The following TRAPPC9 variants were observed in gnomAD, a reference collection of about 807,000 sequenced individuals.
TRAPPC9 encodes IKK2 binding protein.
In TRAPPC9, 83 loss-of-function variants were observed where a neutral mutation model predicts 124.0. That is an observed-to-expected ratio of 0.67 (90% CI 0.56 to 0.80). The LOEUF (loss-of-function observed/expected upper bound fraction) is 0.80, where lower values mean the gene tolerates loss of function less well. Ranked by LOEUF, TRAPPC9 falls within the 30% of genes least tolerant of loss-of-function variation. The pLI is 0.00. For missense variants in TRAPPC9, 1,302 were observed against 1,508.3 expected, an observed-to-expected ratio of 0.86 and a Z score of 2.27; for synonymous variants, 638 against 617.5, an observed-to-expected ratio of 1.03 and a Z score of -0.49.
chr8:139,729,650 C>A lies in TRAPPC9; in HGVS notation c.*1411G>T, dbSNP rs1486962368. ...TGGAACAAAAAATTTGTTCCTTAGG[C>A]CGGAGGCCACAGGGTGACCTTGCTC... On this transcript the variant is annotated 3_prime_UTR_variant, in exon 23 of 23. Transcript: ENST00000438773. Among the ~76,000 whole-genome samples, 1 of 152,194 alleles carries A rather than the reference C, an allele frequency of 6.6e-6. No homozygotes were observed.
chr8:139,901,006 T>A (rs1050642605), intron 20 of TRAPPC9, among the ~76,000 whole-genome samples: 58 of 148,524 alleles, frequency 3.9e-4, no homozygotes, highest in South Asian at 1.5e-3. Flanking sequence ...ATAAATAAAA[T>A]AAATAAATAA....
At chr8:139,917,211 T>C (rs987362202) in intron 19 of TRAPPC9, among the ~76,000 whole-genome samples, 16 of 142,806 alleles carry the variant, frequency 1.1e-4, no homozygotes, top group African/African-American at 4.3e-4. Flanking sequence ...TCTCGCTCTG[T>C]TGCCCAGGAC....
At chr8:139,885,716 G>A (rs1332627171) in intron 21 of TRAPPC9, among the ~76,000 whole-genome samples, 163 bp downstream of exon 21, 5 of 152,194 alleles carry the variant, frequency 3.3e-5, no homozygotes, top group Non-Finnish European at 5.9e-5. Flanking sequence ...AGGTGCTGGC[G>A]CAGTATGGTG....
intron 17 of TRAPPC9, among the ~76,000 whole-genome samples, chr8:140,134,046 C>T (rs944307313): frequency 2.6e-5 from 4 of 151,884 alleles, no homozygotes; most frequent in African/African-American, 9.7e-5. Flanking sequence ...AAAAATGACC[C>T]TCAATTTCTC....
At chr8:140,286,498 T>G (rs1163047683) in intron 13 of TRAPPC9, among the ~76,000 whole-genome samples, 6 of 152,126 alleles carry the variant, frequency 3.9e-5, no homozygotes, top group Non-Finnish European at 8.8e-5. Flanking sequence ...AGAAGAGTTA[T>G]GATCTGCAAG....
intron 21 of TRAPPC9, among the ~76,000 whole-genome samples, chr8:139,801,727 G>A (rs572103968): frequency 3.9e-5 from 6 of 152,324 alleles, no homozygotes; most frequent in Non-Finnish European, 5.9e-5. Context: ...GAATCCGCAC[G>A]AACTCCTCTG....
At chr8:140,211,634 G>A (rs534992242) in intron 17 of TRAPPC9, among the ~76,000 whole-genome samples, 12 of 152,278 alleles carry the variant, frequency 7.9e-5, no homozygotes, top group East Asian at 5.8e-4. Flanking sequence ...CTAAAGTAAC[G>A]TATTTTACAT....
chr8:140,383,551 G>A lies in TRAPPC9; in HGVS notation c.1135-12371C>T, dbSNP rs185137745. Among the ~76,000 whole-genome samples, 877 of 152,308 alleles carry A rather than the reference G, an allele frequency of 5.8e-3. 8 individuals carry two copies. The highest frequency in any genetic ancestry group is 0.02 in the African/African-American group (833 of 41,568). On this transcript the variant is annotated intron_variant, in intron 7 of 22. Coordinates refer to ENST00000438773, the MANE Select transcript of TRAPPC9 (RefSeq NM_001160372.4). Reference sequence around the variant, plus strand: ...CAGTAGCCGATTCGATCAACTGGAAGAAAGGGTATCAGTGATTGAAGATCA... The same window carrying A: ...CAGTAGCCGATTCGATCAACTGGAAAAAAGGGTATCAGTGATTGAAGATCA...
In TRAPPC9 at chr8:140,183,883, GAA is replaced by G. The variant is rs2062269508; in HGVS notation, c.2556+37574_2556+37575del. ...AAAAAAAGAAGAAGAAGAAGAAGAA[GAA>G]GAAGAGGAGAGGAGAGGAGAGGAGA... On this transcript the variant is annotated intron_variant, in intron 17 of 22. Transcript: ENST00000438773. Among the ~76,000 whole-genome samples, 2 of 29,410 alleles carry G rather than the reference GAA, an allele frequency of 6.8e-5. 1 individual carries two copies. The highest frequency in any genetic ancestry group is 2.9e-4 in the African/African-American group (2 of 6,940). 19.3% of individuals were successfully genotyped at this position (29,410 alleles called of 152,430 possible).
chr8:139,967,643 G>A (rs1313073914), intron 19 of TRAPPC9, among the ~76,000 whole-genome samples: 1 of 152,212 alleles, frequency 6.6e-6, no homozygotes, highest in African/African-American at 2.4e-5. Context: ...GAAGCCAAAG[G>A]CAGGTGACAT....
At chr8:140,272,103 T>C (rs1412530933) in intron 15 of TRAPPC9, among the ~76,000 whole-genome samples, 1 of 147,400 alleles carries the variant, frequency 6.8e-6, no homozygotes, top group East Asian at 2.0e-4. Flanking sequence ...GATGAGGTGA[T>C]TGTGGTGGTG....
chr8:139,765,945 C>A (rs1820560580), intron 21 of TRAPPC9, among the ~76,000 whole-genome samples: 1 of 152,224 alleles, frequency 6.6e-6, no homozygotes, highest in Non-Finnish European at 1.5e-5. Context: ...TGACCTCACG[C>A]TGCTGGGGCT....
chr8:140,404,537 C>T (rs1305777017), intron 6 of TRAPPC9, among the ~76,000 whole-genome samples: 1 of 152,148 alleles, frequency 6.6e-6, no homozygotes, highest in African/African-American at 2.4e-5. Context: ...GAAAACCTTT[C>T]CACATGCTCT....
intron 9 of TRAPPC9, among the ~76,000 whole-genome samples, chr8:140,342,259 C>A (rs1209397213): frequency 6.6e-6 from 1 of 152,072 alleles, no homozygotes; most frequent in Non-Finnish European, 1.5e-5. Flanking sequence ...CCTTTCGATA[C>A]CACCCTGGGA....
At chr8:139,943,884 C>G (rs1274130707) in intron 19 of TRAPPC9, among the ~76,000 whole-genome samples, 2 of 151,972 alleles carry the variant, frequency 1.3e-5, no homozygotes, top group Non-Finnish European at 2.9e-5. Context: ...ACATGAGCAG[C>G]TAGGAAAAAA....
intron 19 of TRAPPC9, among the ~76,000 whole-genome samples, chr8:139,922,563 T>C (rs539087952): frequency 1.3e-5 from 2 of 152,316 alleles, no homozygotes; most frequent in East Asian, 3.9e-4. Flanking sequence ...CAAGTCTACG[T>C]GGACACACAG....
chr8:140,198,634 G>A (rs1385981314), intron 17 of TRAPPC9, among the ~76,000 whole-genome samples: 18 of 152,124 alleles, frequency 1.2e-4, no homozygotes. Context: ...TAATAAAACC[G>A]GTCTCCTGCA....
chr8:139,783,403 CTTCAT>C (rs1244496995), intron 21 of TRAPPC9, among the ~76,000 whole-genome samples: 1 of 152,172 alleles, frequency 6.6e-6, no homozygotes, highest in African/African-American at 2.4e-5. Context: ...TTCTGAAAAG[CTTCAT>C]TTCATTTGAC....
At chr8:140,269,331 G>A (rs980877768) in intron 15 of TRAPPC9, among the ~76,000 whole-genome samples, 2 of 151,940 alleles carry the variant, frequency 1.3e-5, no homozygotes, top group African/African-American at 4.8e-5. Flanking sequence ...CACGAGGTCA[G>A]GAGATCAAGA....
Sources: gnomAD v4.1 joint callset for allele counts (sites outside exome capture counted in the v4.1 genomes callset) on GRCh38, gnomAD v4.1.1 for gene constraint, MANE v1.5 for transcripts, NCBI Gene and HGNC (gene_info 2026-07-23, HGNC 2026-07-21) for gene names.